Variants in CSMD2 observed in about 807,000 individuals in gnomAD.
CSMD2 encodes CUB and Sushi multiple domains 2, also known as CUB and sushi domain-containing protein 2.
In CSMD2, 130 loss-of-function variants were observed where a neutral mutation model predicts 398.5. The observed-to-expected ratio is 0.33, with a 90% CI of 0.28 to 0.38. The LOEUF (loss-of-function observed/expected upper bound fraction) is 0.38. Ranked by LOEUF, CSMD2 falls within the 10% of genes least tolerant of loss-of-function variation. The pLI is 1.00. For missense variants in CSMD2, 3,829 were observed against 4,764.9 expected (o/e 0.80, Z 5.78); for synonymous variants, 1,828 against 1,908.5 (o/e 0.96, Z 1.10).
chr1:33,890,519 C>T (rs1444657774), intron 5 of CSMD2, among the ~76,000 whole-genome samples: 19 of 152,148 alleles, frequency 1.2e-4, no homozygotes, highest in East Asian at 3.9e-4. Context: ...CATGAGACAC[C>T]GTGCCCTGCC....
At chr1:34,162,418 A>T (rs1243119615) in intron 1 of CSMD2, among the ~76,000 whole-genome samples, 1 of 152,158 alleles carries the variant, frequency 6.6e-6, no homozygotes, top group Non-Finnish European at 1.5e-5. Context: ...CATCTTTTAA[A>T]TTCAACAGTG....
Position 33,537,583 on chromosome 1 carries a change from G to C in CSMD2, c.9658C>G (p.Pro3220Ala). 1 of 1,613,912 alleles carries C rather than the reference G, an allele frequency of 6.2e-7. No homozygotes were observed. Among genetic ancestry groups the C allele is most frequent in the Non-Finnish European group, 8.5e-7 (1 of 1,179,896 alleles). The change falls in exon 61 of 71, where the codon CCG becomes GCG. Residue 3220 changes from proline (P) to alanine (A), a missense_variant. By Grantham distance (27) the Pro-to-Ala change is conservative (BLOSUM62 -1). Transcript: ENST00000373381. The surrounding 1 kb of genome is among the most constrained non-coding windows in gnomAD (Gnocchi z 4.6). Reference sequence around the variant, plus strand: ...CGGTCCTCTCTCCTCCCACGGGACGGGACACCAGGATCCCCGCAGAACACA... The same window carrying C: ...CGGTCCTCTCTCCTCCCACGGGACGCGACACCAGGATCCCCGCAGAACACA... ...FPVFCGDPGV[P>A]SRGRREDRGF...
At chr1:34,106,099 G>C (rs1046569609) in intron 1 of CSMD2, among the ~76,000 whole-genome samples, 3 of 152,162 alleles carry the variant, frequency 2.0e-5, no homozygotes, top group Non-Finnish European at 4.4e-5. Flanking sequence ...TGGGCAGTAG[G>C]GAGTTGGGGG....
intron 1 of CSMD2, among the ~76,000 whole-genome samples, chr1:34,127,175 C>A (rs902627672): frequency 6.6e-6 from 1 of 152,056 alleles, no homozygotes; most frequent in Non-Finnish European, 1.5e-5. Flanking sequence ...ACAAAGGCTC[C>A]GTCAGCGGCA....
At position 34,107,863 on chromosome 1, in the gene CSMD2, T is replaced by A. The variant is rs555009783; in HGVS notation, c.188-18670A>T. ...GACCACATGGGGACGCCTGAGCACA[T>A]TGAACTTCCCAGAAGAAAAAGAATC... On this transcript the variant is annotated intron_variant, in intron 1 of 70. Transcript: ENST00000373381. 1.9e-4 allele frequency among the ~76,000 whole-genome samples: 29 copies of A among 152,276 alleles called. 1 individual carries two copies. In the South Asian group the frequency reaches 5.0e-3, roughly 26 times the overall value.
At chr1:33,794,944 G>A (rs1433931774) in intron 10 of CSMD2, among the ~76,000 whole-genome samples, 3 of 152,070 alleles carry the variant, frequency 2.0e-5, no homozygotes, top group Non-Finnish European at 2.9e-5. Context: ...ATGTGAGCCT[G>A]TAGCAAGGTC....
chr1:33,643,722 C>T (rs539572170), intron 29 of CSMD2, among the ~76,000 whole-genome samples: 2 of 152,118 alleles, frequency 1.3e-5, no homozygotes, highest in Non-Finnish European at 2.9e-5. Context: ...GCCATGGGAC[C>T]TGATAGCAAA....
chr1:33,640,214 T>C (rs377595859), intron 29 of CSMD2, among the ~76,000 whole-genome samples: 26 of 152,190 alleles, frequency 1.7e-4, no homozygotes, highest in East Asian at 9.6e-4. Flanking sequence ...AATCTGAATA[T>C]AACCCAAACA....
At chr1:34,086,343 C>T (rs1007161042) in intron 2 of CSMD2, among the ~76,000 whole-genome samples, 5 of 152,204 alleles carry the variant, frequency 3.3e-5, no homozygotes, top group Admixed American at 6.5e-5. Context: ...CCATCCAGTC[C>T]TAGTCTCCCA....
chr1:34,064,735 G>C (rs1288713432), intron 2 of CSMD2, among the ~76,000 whole-genome samples: 1 of 152,014 alleles, frequency 6.6e-6, no homozygotes, highest in Non-Finnish European at 1.5e-5. Context: ...CACTCTACTG[G>C]TACCAGTTTA....
At chr1:33,970,319 C>T (rs1309287065) in intron 3 of CSMD2, among the ~76,000 whole-genome samples, 1 of 152,018 alleles carries the variant, frequency 6.6e-6, no homozygotes, top group Non-Finnish European at 1.5e-5. Context: ...GGTGATGGTG[C>T]CCAAGACTCA....
chr1:33,824,989 TC>T (rs1245982545), intron 7 of CSMD2, among the ~76,000 whole-genome samples: 1 of 152,086 alleles, frequency 6.6e-6, no homozygotes, highest in Non-Finnish European at 1.5e-5. Context: ...CCCCAGCCCT[TC>T]CTGGGCTTCA....
chr1:33,962,813 C>T (rs1645412331), intron 3 of CSMD2, among the ~76,000 whole-genome samples: 1 of 152,190 alleles, frequency 6.6e-6, no homozygotes, highest in Admixed American at 6.5e-5. Context: ...GCATCCAGAC[C>T]CATCTCTCCC....
intron 13 of CSMD2, among the ~76,000 whole-genome samples, chr1:33,746,413 A>G (rs1647392651): frequency 6.6e-6 from 1 of 152,184 alleles, no homozygotes; most frequent in Non-Finnish European, 1.5e-5. Flanking sequence ...TGAGTATGTG[A>G]GCAAATAAAT....
Position 33,537,758 on chromosome 1 carries a change from C to A in CSMD2, c.9632-149G>T, listed in dbSNP as rs1570656861. On this transcript the variant is annotated intron_variant, in intron 60 of 70. Transcript: ENST00000373381. The surrounding 1 kb of genome is among the most constrained non-coding windows in gnomAD (Gnocchi z 4.6). Reference sequence around the variant, plus strand: ...CGGGGCAGCCCCAGGTAGGTGCTTCCACCTGCTGCGGTGCTGCTGCTGATG... The same window carrying A: ...CGGGGCAGCCCCAGGTAGGTGCTTCAACCTGCTGCGGTGCTGCTGCTGATG... The A allele has an allele frequency of 1.3e-5, 9 of 694,802 alleles. No homozygotes were observed. The East Asian group carries it at 2.5e-4, about 20-fold the overall frequency. 43.0% of individuals were successfully genotyped at this position (694,802 alleles called of 1,614,324 possible).
chr1:33,939,500 C>T (rs573544210), intron 3 of CSMD2, among the ~76,000 whole-genome samples: 15 of 152,158 alleles, frequency 9.9e-5, no homozygotes, highest in South Asian at 4.2e-4. Flanking sequence ...GTAGAACTAA[C>T]GTGTCATTTT....
chr1:33,626,477 C>A lies in CSMD2; in HGVS notation c.5296+9G>T. On this transcript the variant is annotated intron_variant, in intron 33 of 70. Transcript: ENST00000373381. Reference sequence around the variant, plus strand: ...ACCTTCCTACCTCCGGCGTCCATGTCCTCCATACCTTGGTAGACAAAGTGG... The same window carrying A: ...ACCTTCCTACCTCCGGCGTCCATGTACTCCATACCTTGGTAGACAAAGTGG... 1 of 1,593,282 alleles carries A rather than the reference C, an allele frequency of 6.3e-7. No individual in the cohort carries two copies. The highest frequency in any genetic ancestry group is 8.5e-7 in the Non-Finnish European group (1 of 1,170,144).
chr1:33,680,917 G>GGTT (rs1644887449), intron 25 of CSMD2, among the ~76,000 whole-genome samples: 1 of 54,296 alleles, frequency 1.8e-5, no homozygotes, highest in Admixed American at 2.6e-4. Context: ...CCTGTTTTAT[G>GGTT]CTTTTTTTTT....
At chr1:34,096,613 A>T (rs1659339988) in intron 1 of CSMD2, among the ~76,000 whole-genome samples, 1 of 129,324 alleles carries the variant, frequency 7.7e-6, no homozygotes, top group Non-Finnish European at 1.6e-5. Context: ...CCTATACACC[A>T]ACAACAGACA....
Sources: gnomAD v4.1 joint callset for allele counts (sites outside exome capture counted in the v4.1 genomes callset) on GRCh38, gnomAD v4.1.1 for gene constraint, Gnocchi (gnomAD v3.1) non-coding constraint, MANE v1.5 for transcripts, NCBI Gene and HGNC (gene_info 2026-07-23, HGNC 2026-07-21) for gene names.